Variants in SMIM14 observed in about 807,000 individuals in gnomAD.
SMIM14 encodes the protein small integral membrane protein 14.
Under a neutral mutation model 12.6 loss-of-function variants are expected in SMIM14, and 5 were observed. That is an observed-to-expected ratio of 0.40 (90% CI 0.21 to 0.83). The LOEUF is 0.83. Among genes scored for constraint, SMIM14 ranks in the 40% least tolerant of loss-of-function variants. The pLI is 0.37. For synonymous variants in SMIM14, 30 were observed against 40.1 expected, an observed-to-expected ratio of 0.75 and a Z score of 0.95; for missense variants, 86 against 119.1, an observed-to-expected ratio of 0.72 and a Z score of 1.29.
At position 39,571,590 on chromosome 4, in the gene SMIM14, T is replaced by A. The variant is rs192385821; in HGVS notation, c.124+825A>T. Among the ~76,000 whole-genome samples the A allele has an allele frequency of 6.7e-3, 1,014 of 151,600 alleles. 17 individuals carry two copies. Among genetic ancestry groups the A allele is most frequent in the African/African-American group, 0.023 (939 of 41,342 alleles). On this transcript the variant is annotated intron_variant, in intron 3 of 4. Coordinates refer to ENST00000295958, the MANE Select transcript of SMIM14 (RefSeq NM_174921.3). Reference sequence around the variant, plus strand: ...CAAGACACTGTTTCTTAAAAAAAAATTTTTTTAAATTAAAGAAAAAAAAAG... The same window carrying A: ...CAAGACACTGTTTCTTAAAAAAAAAATTTTTTAAATTAAAGAAAAAAAAAG...
intron 1 of SMIM14, among the ~76,000 whole-genome samples, chr4:39,637,206 A>AT (rs936349186): frequency 6.9e-4 from 105 of 151,926 alleles, no homozygotes; most frequent in African/African-American, 2.3e-3. Context: ...AGGATTATTG[A>AT]TTTTTTTTTC....
intron 3 of SMIM14, among the ~76,000 whole-genome samples, chr4:39,559,403 AGAAAG>A (rs1229274121): frequency 6.6e-6 from 1 of 152,022 alleles, no homozygotes; most frequent in African/African-American, 2.4e-5. Flanking sequence ...AAAAAAGAAA[AGAAAG>A]GAAAAGAAAA....
At chr4:39,635,078 A>T (rs1716042407) in intron 1 of SMIM14, among the ~76,000 whole-genome samples, 1 of 152,228 alleles carries the variant, frequency 6.6e-6, no homozygotes, top group Non-Finnish European at 1.5e-5. Flanking sequence ...GTCTCCTTGA[A>T]GAGGCAACAT....
intron 1 of SMIM14, among the ~76,000 whole-genome samples, chr4:39,631,328 T>C (rs1454722422): frequency 2.1e-5 from 2 of 93,252 alleles, no homozygotes; most frequent in South Asian, 3.9e-4. Context: ...TGAGACTCCA[T>C]CTCAAAAAAA....
chr4:39,624,438 C>A (rs1715613981), intron 1 of SMIM14, among the ~76,000 whole-genome samples: 1 of 152,094 alleles, frequency 6.6e-6, no homozygotes. Flanking sequence ...TCCCCATCTG[C>A]CAGATATGAC....
At chr4:39,611,148 A>G (rs1715016207) in intron 1 of SMIM14, among the ~76,000 whole-genome samples, 1 of 152,350 alleles carries the variant, frequency 6.6e-6, no homozygotes, top group South Asian at 2.1e-4. Flanking sequence ...TACAGAACCA[A>G]TAAGCAAATA....
intron 1 of SMIM14, among the ~76,000 whole-genome samples, chr4:39,637,509 C>G (rs1049966513): frequency 2.6e-5 from 4 of 151,076 alleles, no homozygotes; most frequent in Non-Finnish European, 5.9e-5. Context: ...TTAACTATCA[C>G]GTACTGTTGT....
intron 2 of SMIM14, among the ~76,000 whole-genome samples, chr4:39,577,430 CTTT>C (rs36049094): frequency 6.6e-5 from 9 of 136,890 alleles, no homozygotes; most frequent in Non-Finnish European, 4.8e-5. Flanking sequence ...CCCTTTCAGC[CTTT>C]TTTTTTTTTT....
chr4:39,587,930 G>A (rs1293624718), intron 2 of SMIM14: 1 of 152,366 alleles, frequency 6.6e-6, no homozygotes, highest in Non-Finnish European at 1.5e-5. Context: ...CAGGAGGGAT[G>A]TTCTCCCTTG....
chr4:39,571,634 CA>C (rs1252609093), intron 3 of SMIM14, among the ~76,000 whole-genome samples: 2 of 152,020 alleles, frequency 1.3e-5, no homozygotes, highest in African/African-American at 4.8e-5. Flanking sequence ...AGCCTGCCAA[CA>C]GATGCAAATA....
At chr4:39,629,319 C>T (rs771320077) in intron 1 of SMIM14, among the ~76,000 whole-genome samples, 1 of 141,300 alleles carries the variant, frequency 7.1e-6, no homozygotes, top group African/African-American at 2.6e-5. Flanking sequence ...CGAGATCGTG[C>T]CACTGCACTC....
chr4:39,559,354 A>G (rs901900256), intron 3 of SMIM14, among the ~76,000 whole-genome samples: 2 of 150,832 alleles, frequency 1.3e-5, no homozygotes, highest in African/African-American at 4.9e-5. Flanking sequence ...ACACCACTGC[A>G]CTCCAGCCTG....
Position 39,556,423 on chromosome 4 carries a change from C to T in SMIM14, c.267+5G>A. On this transcript the variant is annotated splice_donor_5th_base_variant and intron_variant, in intron 4 of 4. Transcript: ENST00000295958. ...CAAAAAGCATTTAAAATCTGCAACA[C>T]TTACATTATGAGGACTGGTTGGCTT... The T allele has an allele frequency of 6.2e-7, 1 of 1,607,678 alleles. No homozygotes were observed. The highest frequency in any genetic ancestry group is 8.5e-7 in the Non-Finnish European group (1 of 1,178,280).
Position 39,552,029 on chromosome 4 carries a change from A to C in SMIM14, c.*97T>G. 1.0e-6 allele frequency: 1 copy of C among 966,370 alleles called. No individual in the cohort carries two copies. Among genetic ancestry groups the C allele is most frequent in the East Asian group, 2.7e-5 (1 of 36,676 alleles). The allele number at this position is 966,370 out of a possible 1,614,324, so 59.9% of individuals were successfully genotyped here. Reference sequence around the variant, plus strand: ...TACCATCCCATATTGCAGATACAAAAGGAAAAACAGTTCTAATGGGGTTAA... The same window carrying C: ...TACCATCCCATATTGCAGATACAAACGGAAAAACAGTTCTAATGGGGTTAA... On this transcript the variant is annotated 3_prime_UTR_variant, in exon 5 of 5. Coordinates refer to ENST00000295958, the MANE Select transcript of SMIM14 (RefSeq NM_174921.3).
chr4:39,614,523 T>C (rs942534444), intron 1 of SMIM14, among the ~76,000 whole-genome samples: 1 of 152,126 alleles, frequency 6.6e-6, no homozygotes, highest in African/African-American at 2.4e-5. Flanking sequence ...AGTTCCACCA[T>C]GTTGGGTAGG....
chr4:39,577,818 G>C (rs1050677212), intron 2 of SMIM14, among the ~76,000 whole-genome samples: 3 of 152,178 alleles, frequency 2.0e-5, no homozygotes, highest in African/African-American at 7.2e-5. Flanking sequence ...GCCTGGCTAA[G>C]AGAAGCAACT....
At chr4:39,636,909 T>G (rs1211080451) in intron 1 of SMIM14, among the ~76,000 whole-genome samples, 1 of 152,196 alleles carries the variant, frequency 6.6e-6, no homozygotes, top group African/African-American at 2.4e-5. Context: ...ATGATTGTAT[T>G]TTCAAACTGC....
chr4:39,605,455 A>C (rs1449785378), intron 1 of SMIM14, among the ~76,000 whole-genome samples: 2 of 147,278 alleles, frequency 1.4e-5, no homozygotes, highest in Non-Finnish European at 3.0e-5. Context: ...GCTAGAACCT[A>C]CTCTGCTTAA....
chr4:39,623,516 T>C (rs950507677), intron 1 of SMIM14, among the ~76,000 whole-genome samples: 2 of 152,202 alleles, frequency 1.3e-5, no homozygotes, highest in Non-Finnish European at 2.9e-5. Context: ...ACTTTTCACA[T>C]AGCCAGCCAA....
Sources: allele counts gnomAD v4.1 joint callset (sites outside exome capture counted in the v4.1 genomes callset), GRCh38; gene constraint gnomAD v4.1.1; transcripts MANE v1.5; gene names NCBI Gene and HGNC (gene_info 2026-07-23, HGNC 2026-07-21).